Variants in PTPN21 observed in about 807,000 individuals in gnomAD.
The protein encoded by PTPN21 is protein tyrosine phosphatase non-receptor type 21.
PTPN21 carries 77 observed loss-of-function variants against 131.8 expected under a neutral mutation model. The observed-to-expected ratio is 0.58, with a 90% CI of 0.49 to 0.71. The LOEUF (loss-of-function observed/expected upper bound fraction) is 0.71. PTPN21 is among the 30% of genes least tolerant of loss of function. PTPN21 has a pLI of 0.00. For missense variants in PTPN21, 1,552 were observed against 1,527.1 expected (o/e 1.02, Z -0.27); for synonymous variants, 715 against 621.3 (o/e 1.15, Z -2.24).
chr14:88,536,768 T>C (rs527475576), intron 2 of PTPN21, among the ~76,000 whole-genome samples: 4 of 152,302 alleles, frequency 2.6e-5, no homozygotes, highest in African/African-American at 9.6e-5. Flanking sequence ...AAATTGCAAA[T>C]ATAATTTCAT....
intron 13 of PTPN21, among the ~76,000 whole-genome samples, chr14:88,475,335 G>C (rs780779016): frequency 6.6e-6 from 1 of 152,208 alleles, no homozygotes; most frequent in Non-Finnish European, 1.5e-5. Context: ...ATTGGAGACT[G>C]TGATTGGTAC....
rs748310852 is a variant in PTPN21, at chr14:88,469,187, C to G, written c.3236-111G>C. On this transcript the variant is annotated intron_variant, in intron 17 of 18. Coordinates refer to ENST00000556564, the MANE Select transcript of PTPN21 (RefSeq NM_007039.4). The surrounding 1 kb of genome is among the most constrained non-coding windows in gnomAD (Gnocchi z 4.3). ...TTAAGAGGACTGCAGATAAAGAGCA[C>G]TGGGTGCCAGTGAACCAAACCCAAC... 1.6e-6 allele frequency: 2 copies of G among 1,265,720 alleles called. No homozygotes were observed. The highest frequency in any genetic ancestry group is 2.2e-6 in the Non-Finnish European group (2 of 925,566). 78.4% of individuals were successfully genotyped at this position (1,265,720 alleles called of 1,614,324 possible).
At chr14:88,507,794 G>C (rs955201679) in intron 4 of PTPN21, 129 bp downstream of exon 4, 9 of 524,804 alleles carry the variant, frequency 1.7e-5, no homozygotes, top group Non-Finnish European at 2.9e-5. Context: ...TTAGATAACA[G>C]AATATTTCAC....
In PTPN21 at chr14:88,479,435, G is replaced by C; in HGVS notation, c.1996C>G (p.Pro666Ala). Reference protein sequence around the residue: ...TLSASAAEVAPRAVSVGSQPS... With the variant: ...TLSASAAEVAARAVSVGSQPS... ...TGGGAGCCCACCGAGACGGCTCGCG[G>C]CGCCACCTCTGCCGCCGACGCGGAT... The change falls in exon 13 of 19, where the codon CCG becomes GCG. Residue 666 changes from proline to alanine, a missense_variant. By Grantham distance (27) the Pro-to-Ala change is conservative. Around this residue, in one of 4 missense-constraint regions of PTPN21, gnomAD observed 1,016 missense variants for 883.5 expected, o/e 1.15. Transcript: ENST00000556564. The C allele has an allele frequency of 6.2e-7, 1 of 1,602,090 alleles. No individual in the cohort carries two copies. Among genetic ancestry groups the C allele is most frequent in the Non-Finnish European group, 8.5e-7 (1 of 1,178,496 alleles).
intron 13 of PTPN21, 43 bp from the exon 14 acceptor site, chr14:88,473,845 C>T: frequency 6.5e-7 from 1 of 1,532,746 alleles, no homozygotes; most frequent in Non-Finnish European, 8.8e-7. Flanking sequence ...TACACAAATA[C>T]AACCCCTGTG....
chr14:88,485,949 A>T (rs1297212528), intron 10 of PTPN21, 107 bp from the exon 11 acceptor site: 1 of 695,820 alleles, frequency 1.4e-6, no homozygotes, highest in Non-Finnish European at 2.4e-6. Flanking sequence ...GGCAAAAAAA[A>T]AGACAAGCTA....
chr14:88,509,676 C>G (rs1158053138), intron 3 of PTPN21, among the ~76,000 whole-genome samples: 1 of 152,144 alleles, frequency 6.6e-6, no homozygotes, highest in East Asian at 1.9e-4. Flanking sequence ...TTAGGGAAGT[C>G]TGTCTATTGA....
At chr14:88,543,757 G>T (rs2078737756) in intron 2 of PTPN21, among the ~76,000 whole-genome samples, 1 of 152,162 alleles carries the variant, frequency 6.6e-6, no homozygotes, top group South Asian at 2.1e-4. Flanking sequence ...ATTAAGAAAT[G>T]AGAGGCCACT....
chr14:88,541,633 C>T (rs1385779178), intron 2 of PTPN21, among the ~76,000 whole-genome samples: 3 of 152,148 alleles, frequency 2.0e-5, no homozygotes, highest in African/African-American at 7.2e-5. Context: ...CCCCTCTGTC[C>T]CCCCTGAGAG....
chr14:88,483,682 G>T (rs547684394), intron 12 of PTPN21, among the ~76,000 whole-genome samples: 11 of 152,186 alleles, frequency 7.2e-5, no homozygotes, highest in African/African-American at 2.4e-4. Flanking sequence ...CCCAAAACTA[G>T]GAACAGCAAC....
chr14:88,504,114 C>A (rs941764775), intron 6 of PTPN21, among the ~76,000 whole-genome samples: 3 of 152,116 alleles, frequency 2.0e-5, no homozygotes, highest in Non-Finnish European at 2.9e-5. Context: ...GGTTATCAAA[C>A]AAACCTTTAC....
chr14:88,496,385 A>G (rs1037077301), intron 10 of PTPN21, 28 bp downstream of exon 10: 1 of 1,554,120 alleles, frequency 6.4e-7, no homozygotes, highest in African/African-American at 1.4e-5. Flanking sequence ...ATTATTTTTG[A>G]TAATTTCCAT....
intron 1 of PTPN21, chr14:88,552,402 G>A (rs570879360): frequency 6.6e-6 from 1 of 152,354 alleles, no homozygotes; most frequent in Admixed American, 6.5e-5. Flanking sequence ...TGAGCATCGT[G>A]AGAAATCTAA....
rs939782627 is a variant in PTPN21, at chr14:88,549,320, C to A, written c.180+918G>T. Among the ~76,000 whole-genome samples, 44 of 152,122 alleles carry A rather than the reference C, an allele frequency of 2.9e-4. 1 individual carries two copies. The highest frequency in any genetic ancestry group is 1.0e-3 in the African/African-American group (42 of 41,406). ...AAACTGTACTAGAGATCAGGATGAC[C>A]TTTGGGGGTATATTAGAAAATGGAA... On this transcript the variant is annotated intron_variant, in intron 2 of 18. Coordinates refer to ENST00000556564, the MANE Select transcript of PTPN21 (RefSeq NM_007039.4).
chr14:88,484,891 AAAAC>A (rs369940592), intron 12 of PTPN21, among the ~76,000 whole-genome samples, 181 bp downstream of exon 12: 16 of 151,894 alleles, frequency 1.1e-4, no homozygotes, highest in African/African-American at 2.7e-4. Context: ...TGTCTCCAAA[AAAAC>A]AAACAAACAA....
At chr14:88,505,985 T>C (rs1267050683) in intron 4 of PTPN21, among the ~76,000 whole-genome samples, 1 of 152,198 alleles carries the variant, frequency 6.6e-6, no homozygotes, top group African/African-American at 2.4e-5. Flanking sequence ...TTAATAATTA[T>C]TCTGATTAAA....
intron 2 of PTPN21, among the ~76,000 whole-genome samples, chr14:88,534,693 T>G (rs1386099924): frequency 6.6e-6 from 1 of 151,742 alleles, no homozygotes; most frequent in Admixed American, 6.6e-5. Context: ...GGCCAACATG[T>G]TGAAACCCCA....
rs767602945 is a variant in PTPN21 at position 88,550,466 on chromosome 14, C to T, written c.-49G>A. 1 of 1,558,920 alleles carries T rather than the reference C, an allele frequency of 6.4e-7. No homozygotes were observed. The highest frequency in any genetic ancestry group is 8.8e-7 in the Non-Finnish European group (1 of 1,138,842). On this transcript the variant is annotated 5_prime_UTR_variant, in exon 2 of 19. Transcript: ENST00000556564. ...GGAGCAAAGAGGGAAAAGCTACCCC[C>T]ACCAACCCAGCGCTGGTGACGCCAG...
intron 6 of PTPN21, among the ~76,000 whole-genome samples, 182 bp downstream of exon 6, chr14:88,504,243 G>C (rs553092577): frequency 2.6e-5 from 4 of 152,290 alleles, no homozygotes; most frequent in South Asian, 2.1e-4. Flanking sequence ...ACTTAGAACA[G>C]CACATGACAC....
Sources: gnomAD v4.1 joint callset for allele counts (sites outside exome capture counted in the v4.1 genomes callset) on GRCh38, gnomAD v4.1.1 for gene constraint, gnomAD v4.1.1 regional missense constraint, Gnocchi (gnomAD v3.1) non-coding constraint, MANE v1.5 for transcripts, NCBI Gene and HGNC (gene_info 2026-07-23, HGNC 2026-07-21) for gene names.